The following TENM2 variants were observed in gnomAD, a reference collection of about 807,000 sequenced individuals.
TENM2 encodes the protein teneurin-2.
In TENM2, 52 loss-of-function variants were observed where a neutral mutation model predicts 245.2. The ratio of observed to expected loss-of-function variants is 0.21; its 90% confidence interval spans 0.17 to 0.27. The LOEUF (loss-of-function observed/expected upper bound fraction) is 0.27. Among genes scored for constraint, TENM2 ranks in the 10% least tolerant of loss-of-function variants. The pLI is 1.00. For missense variants in TENM2, 3,046 were observed against 3,666.8 expected (o/e 0.83, Z 4.37); for synonymous variants, 1,363 against 1,438.9 (o/e 0.95, Z 1.19).
At chr5:167,916,317 G>T (rs961150906) in intron 3 of TENM2, among the ~76,000 whole-genome samples, 1 of 152,108 alleles carries the variant, frequency 6.6e-6, no homozygotes, top group Non-Finnish European at 1.5e-5. Flanking sequence ...TGTCTCTGGG[G>T]GGTTGGTACC....
chr5:167,225,456 T>G, the TENM2 span, among the ~76,000 whole-genome samples: 51 of 152,082 alleles, frequency 3.4e-4, no homozygotes, highest in African/African-American at 1.0e-3. Flanking sequence ...GTTGATGTGA[T>G]GTATTAAGTT....
chr5:167,283,962 C>T (rs1771193307), upstream of TENM2, among the ~76,000 whole-genome samples: 1 of 151,886 alleles, frequency 6.6e-6, no homozygotes, highest in Admixed American at 6.6e-5. Flanking sequence ...CAGCTTTCCT[C>T]ATTTTTTTTT....
chr5:167,345,332 G>T (rs141440330), intron 1 of TENM2, among the ~76,000 whole-genome samples: 4 of 152,284 alleles, frequency 2.6e-5, no homozygotes, highest in Middle Eastern at 3.4e-3. Context: ...GTGGCTGAGC[G>T]CAAGGAAGCA....
At chr5:167,047,540 G>T in the TENM2 span, among the ~76,000 whole-genome samples, 1 of 152,144 alleles carries the variant, frequency 6.6e-6, no homozygotes, top group African/African-American at 2.4e-5. Context: ...TGGAAAAGAA[G>T]ACTTTTATAT....
At chr5:167,875,938 C>A in intron 2 of TENM2, 48 bp from the exon 5 acceptor site, 1 of 1,337,306 alleles carries the variant, frequency 7.5e-7, no homozygotes, top group South Asian at 1.3e-5. Context: ...TTGGGGTGCT[C>A]TCGTGACACT....
intron 3 of TENM2, among the ~76,000 whole-genome samples, chr5:167,946,519 C>T (rs563136325): frequency 3.3e-4 from 50 of 152,192 alleles, no homozygotes; most frequent in Non-Finnish European, 6.9e-4. Flanking sequence ...CGATTCCCTC[C>T]AGTTTCTCAC....
intron 3 of TENM2, among the ~76,000 whole-genome samples, chr5:167,932,460 A>G (rs992113235): frequency 6.6e-6 from 1 of 152,148 alleles, no homozygotes; most frequent in African/African-American, 2.4e-5. Flanking sequence ...AAACAGGCAT[A>G]ATTAGTAGGG....
intron 2 of TENM2, among the ~76,000 whole-genome samples, chr5:167,480,118 C>T (rs961300155): frequency 2.6e-5 from 4 of 152,196 alleles, no homozygotes; most frequent in Non-Finnish European, 4.4e-5. Context: ...ATATTTGAAT[C>T]CCATCTTCCA....
chr5:167,053,897 T>C, the TENM2 span, among the ~76,000 whole-genome samples: 1 of 152,180 alleles, frequency 6.6e-6, no homozygotes, highest in Non-Finnish European at 1.5e-5. Context: ...CTTGATTTTT[T>C]AGAAGGAGTT....
chr5:167,369,763 T>C (rs991198951), intron 1 of TENM2, among the ~76,000 whole-genome samples: 3 of 152,198 alleles, frequency 2.0e-5, no homozygotes, highest in African/African-American at 7.2e-5. Flanking sequence ...GTTTTCTGTA[T>C]TGCATACAGT....
intron 2 of TENM2, among the ~76,000 whole-genome samples, chr5:167,702,009 C>A (rs1758172437): frequency 6.6e-6 from 1 of 152,076 alleles, no homozygotes; most frequent in Admixed American, 6.6e-5. Flanking sequence ...CAGGCTTATT[C>A]AATTCAAGGA....
intron 2 of TENM2, among the ~76,000 whole-genome samples, chr5:167,834,622 G>T (rs1170951523): frequency 6.7e-6 from 1 of 149,618 alleles, no homozygotes; most frequent in African/African-American, 2.5e-5. Context: ...CCATCTCACA[G>T]TTGTGTCTGT....
chr5:167,563,622 G>A (rs893929134), intron 2 of TENM2, among the ~76,000 whole-genome samples: 2 of 152,148 alleles, frequency 1.3e-5, no homozygotes, highest in Non-Finnish European at 2.9e-5. Flanking sequence ...ATACGGTAAT[G>A]CACCAAATAA....
At chr5:167,325,661 G>A (rs1383128364) in intron 1 of TENM2, among the ~76,000 whole-genome samples, 1 of 152,188 alleles carries the variant, frequency 6.6e-6, no homozygotes, top group Admixed American at 6.5e-5. Context: ...TAGTTCAAGA[G>A]CTATACACTG....
chr5:167,210,745 G>A, the TENM2 span, among the ~76,000 whole-genome samples: 8 of 151,418 alleles, frequency 5.3e-5, no homozygotes, highest in Non-Finnish European at 2.9e-5. Flanking sequence ...TTACAGGCGT[G>A]AGCCACCGCG....
intron 3 of TENM2, among the ~76,000 whole-genome samples, chr5:167,888,015 T>C (rs542050050): frequency 6.6e-6 from 1 of 152,150 alleles, no homozygotes; most frequent in Non-Finnish European, 1.5e-5. Flanking sequence ...TCTCTAACTC[T>C]CTCTCCTTAT....
chr5:168,048,435 G>A (rs948618402), intron 6 of TENM2, among the ~76,000 whole-genome samples: 2 of 152,088 alleles, frequency 1.3e-5, no homozygotes, highest in African/African-American at 4.8e-5. Flanking sequence ...CACCCTACAG[G>A]GATATTTCAA....
At chr5:167,278,124 CA>C in the TENM2 span, among the ~76,000 whole-genome samples, 1 of 151,714 alleles carries the variant, frequency 6.6e-6, no homozygotes, top group East Asian at 1.9e-4. Context: ...GGCAACATGG[CA>C]AAATTCCATC....
intron 2 of TENM2, among the ~76,000 whole-genome samples, chr5:167,596,875 C>T (rs2127718206): frequency 6.6e-6 from 1 of 151,858 alleles, no homozygotes; most frequent in East Asian, 1.9e-4. Flanking sequence ...CTTCTGCATT[C>T]GGTTTGGAAG....
Sources: allele counts gnomAD v4.1 joint callset (sites outside exome capture counted in the v4.1 genomes callset), GRCh38; gene constraint gnomAD v4.1.1; transcripts MANE v1.5; gene names NCBI Gene and HGNC (gene_info 2026-07-23, HGNC 2026-07-21).